CGNL1: variants seen among roughly 807,000 people sequenced by gnomAD.
CGNL1 encodes the protein cingulin like 1.
In CGNL1, 132 loss-of-function variants were observed where a neutral mutation model predicts 141.2. That is an observed-to-expected ratio of 0.93 (90% CI 0.81 to 1.08). The LOEUF (loss-of-function observed/expected upper bound fraction) is 1.08. Among genes scored for constraint, CGNL1 ranks in the 50% least tolerant of loss-of-function variants. CGNL1 has a pLI of 0.00. For synonymous variants in CGNL1, 690 were observed against 622.1 expected, an observed-to-expected ratio of 1.11 and a Z score of -1.63; for missense variants, 1,870 against 1,588.6, an observed-to-expected ratio of 1.18 and a Z score of -3.01.
chr15:57,381,877 A>G (rs1401808957), intron 1 of CGNL1, among the ~76,000 whole-genome samples: 1 of 152,214 alleles, frequency 6.6e-6, no homozygotes, highest in Non-Finnish European at 1.5e-5. Context: ...TGTGATCCCA[A>G]GGGAAATTTA....
chr15:57,544,421 C>A (rs2032738373), intron 15 of CGNL1, 52 bp from the exon 16 acceptor site: 2 of 1,610,378 alleles, frequency 1.2e-6, no homozygotes, highest in East Asian at 4.5e-5. Flanking sequence ...CGCTGCTCTG[C>A]ACAGAGCGTG....
At chr15:57,508,487 T>C (rs1273130992) in intron 8 of CGNL1, among the ~76,000 whole-genome samples, 1 of 152,264 alleles carries the variant, frequency 6.6e-6, no homozygotes, top group East Asian at 1.9e-4. Context: ...TATCTCTTTT[T>C]TGATTTTCTG....
chr15:57,385,023 G>A (rs1317196284), intron 1 of CGNL1, among the ~76,000 whole-genome samples: 2 of 152,182 alleles, frequency 1.3e-5, no homozygotes, highest in African/African-American at 4.8e-5. Flanking sequence ...TTTGCTTAAA[G>A]CATTTCTTAT....
At chr15:57,484,264 A>G (rs2063760777) in intron 8 of CGNL1, among the ~76,000 whole-genome samples, 1 of 152,318 alleles carries the variant, frequency 6.6e-6, no homozygotes, top group Middle Eastern at 3.4e-3. Flanking sequence ...GTTTTAAAAT[A>G]TGAATTCAGT....
At chr15:57,543,810 C>A (rs757539605) in intron 15 of CGNL1, 31 bp downstream of exon 15, 8 of 1,539,168 alleles carry the variant, frequency 5.2e-6, no homozygotes, top group African/African-American at 4.1e-5. Flanking sequence ...AGCTGCCCCC[C>A]CGTCCATCCG....
At chr15:57,420,714 G>C (rs1017176823) in intron 1 of CGNL1, among the ~76,000 whole-genome samples, 2 of 152,158 alleles carry the variant, frequency 1.3e-5, no homozygotes, top group Non-Finnish European at 2.9e-5. Flanking sequence ...CTTCTGTGAA[G>C]TTGTTTCATA....
chr15:57,425,365 A>G (rs2062961214), intron 1 of CGNL1, among the ~76,000 whole-genome samples: 1 of 152,216 alleles, frequency 6.6e-6, no homozygotes. Context: ...CCCTGTCTCA[A>G]AAATAAAAAT....
At chr15:57,517,950 T>C (rs76600925) in intron 9 of CGNL1, among the ~76,000 whole-genome samples, 2,493 of 151,348 alleles carry the variant, frequency 0.016, 73 homozygotes, top group African/African-American at 0.057. Flanking sequence ...GTCCATTCAA[T>C]ACCTACTGTT....
At chr15:57,514,264 G>T (rs1261012945) in intron 8 of CGNL1, among the ~76,000 whole-genome samples, 1 of 152,002 alleles carries the variant, frequency 6.6e-6, no homozygotes, top group Non-Finnish European at 1.5e-5. Context: ...CAATTCTCTC[G>T]CCTCAGCATC....
rs368063356 is a variant in CGNL1 at position 57,442,478 on chromosome 15, A to G, written c.1803A>G (p.Gln601=). The G allele has an allele frequency of 1.9e-6, 3 of 1,578,854 alleles. No homozygotes were observed. Among genetic ancestry groups the G allele is most frequent in the African/African-American group, 1.3e-5 (1 of 74,184 alleles). The part of the protein sequence containing the change: ...RAAGSAQGNN[Q]ACNSTSEVKD... ...CTGGGAGCGCCCAAGGAAATAACCA[A>G]GTAAATGGAAGTTTTGTATTTTGTA... Residue 601 remains glutamine (Q), a splice_region_variant and synonymous_variant, in exon 4 of 19, where the codon CAA becomes CAG. Coordinates refer to ENST00000281282, the MANE Select transcript of CGNL1 (RefSeq NM_032866.5).
intron 1 of CGNL1, among the ~76,000 whole-genome samples, chr15:57,423,228 C>T (rs983515041): frequency 6.6e-6 from 1 of 152,066 alleles, no homozygotes; most frequent in Non-Finnish European, 1.5e-5. Context: ...CAGGCAACAG[C>T]CAGAGGAAGG....
intron 8 of CGNL1, among the ~76,000 whole-genome samples, chr15:57,495,170 T>C (rs1470001784): frequency 6.6e-6 from 1 of 152,240 alleles, no homozygotes; most frequent in Non-Finnish European, 1.5e-5. Context: ...AAGCATTTCC[T>C]GTGAAATCTC....
intron 6 of CGNL1, among the ~76,000 whole-genome samples, chr15:57,453,420 G>C (rs1402268811): frequency 6.6e-6 from 1 of 152,048 alleles, no homozygotes; most frequent in Admixed American, 6.6e-5. Context: ...ATCTCCTTTT[G>C]GGGAGAAAAT....
intron 15 of CGNL1, 57 bp downstream of exon 15, chr15:57,543,836 T>C: frequency 7.5e-7 from 1 of 1,331,482 alleles, no homozygotes; most frequent in East Asian, 2.3e-5. Flanking sequence ...CCTCCCCCAC[T>C]TCACTGCTTT....
intron 1 of CGNL1, among the ~76,000 whole-genome samples, chr15:57,409,977 G>A (rs2062768196): frequency 6.6e-6 from 1 of 152,162 alleles, no homozygotes; most frequent in Non-Finnish European, 1.5e-5. Context: ...AGATGGCAAC[G>A]ATCCTTCTGT....
Position 57,439,335 on chromosome 15 carries a change from A to G in CGNL1, c.1336A>G (p.Lys446Glu), listed in dbSNP as rs2063153217. The G allele has an allele frequency of 6.2e-7, 1 of 1,614,124 alleles. No homozygotes were observed. The highest frequency in any genetic ancestry group is 8.5e-7 in the Non-Finnish European group (1 of 1,180,032). ...ACAGAGCGTGGGCCGCACCTTTGCA[A>G]AGCTGCAGGGAGCAGCGCACGGGGC... The part of the protein sequence containing the change: ...GKQSVGRTFA[K>E]LQGAAHGASC... The change falls in exon 2 of 19, where the codon AAG (lysine) becomes GAG (glutamate). Residue 446 changes from lysine to glutamate, a missense_variant. Transcript: ENST00000281282.
At chr15:57,403,533 C>T (rs1326323278) in intron 1 of CGNL1, among the ~76,000 whole-genome samples, 1 of 152,164 alleles carries the variant, frequency 6.6e-6, no homozygotes, top group African/African-American at 2.4e-5. Flanking sequence ...CAGGGATTTG[C>T]AGTCTGCCCT....
intron 14 of CGNL1, among the ~76,000 whole-genome samples, chr15:57,539,090 G>C (rs2140220325): frequency 6.6e-6 from 1 of 152,178 alleles, no homozygotes; most frequent in Non-Finnish European, 1.5e-5. Flanking sequence ...GGGTCTCCTG[G>C]CCGGGAGCAC....
chr15:57,474,036 G>A (rs1201643215), intron 8 of CGNL1, among the ~76,000 whole-genome samples: 1 of 150,398 alleles, frequency 6.6e-6, no homozygotes, highest in African/African-American at 2.4e-5. Flanking sequence ...TCAGCCTCCT[G>A]CGTAGCTGGG....
Sources: allele counts gnomAD v4.1 joint callset (sites outside exome capture counted in the v4.1 genomes callset), GRCh38; gene constraint gnomAD v4.1.1; transcripts MANE v1.5; gene names NCBI Gene and HGNC (gene_info 2026-07-23, HGNC 2026-07-21).